SDK1: variants seen among roughly 807,000 people sequenced by gnomAD.
SDK1 encodes the protein sidekick cell adhesion molecule 1.
In SDK1, 157 loss-of-function variants were observed where a neutral mutation model predicts 245.5. The observed-to-expected ratio is 0.64, with a 90% confidence interval of 0.56 to 0.73. The LOEUF is 0.73. SDK1 is among the 30% of genes least tolerant of loss of function. The pLI is 0.00. For synonymous variants in SDK1, 1,647 were observed against 1,278.5 expected (o/e 1.29, Z -6.15); for missense variants, 3,583 against 3,002.3 (o/e 1.19, Z -4.52).
At chr7:3,903,837 C>G (rs1781874498) in intron 5 of SDK1, among the ~76,000 whole-genome samples, 1 of 152,130 alleles carries the variant, frequency 6.6e-6, no homozygotes, top group African/African-American at 2.4e-5. Context: ...GATTAGTACT[C>G]TCCCTTGGGA....
intron 7 of SDK1, among the ~76,000 whole-genome samples, chr7:3,954,727 C>A (rs1162886822): frequency 6.7e-6 from 1 of 149,326 alleles, no homozygotes; most frequent in Admixed American, 6.7e-5. Context: ...CCTCAGTTTC[C>A]ACATCCATAA....
At chr7:3,979,067 A>G (rs1783194067) in intron 13 of SDK1, among the ~76,000 whole-genome samples, 1 of 152,218 alleles carries the variant, frequency 6.6e-6, no homozygotes, top group Non-Finnish European at 1.5e-5. Flanking sequence ...GGGCTGCTGG[A>G]CAGCAGTGGG....
At position 4,049,270 on chromosome 7, in the gene SDK1, G is replaced by C. The variant is rs1789259212; in HGVS notation, c.2603-78G>C. On this transcript the variant is annotated intron_variant, in intron 17 of 44. Coordinates refer to ENST00000404826, the MANE Select transcript of SDK1 (RefSeq NM_152744.4). ...TGCCTGTGAGCATGATGGCAGCTAAGGGTTTCCTTTCTGTCTCTCCACCCC... is the reference window on the plus strand; with the variant it reads ...TGCCTGTGAGCATGATGGCAGCTAACGGTTTCCTTTCTGTCTCTCCACCCC... 2.9e-6 allele frequency: 3 copies of C among 1,046,792 alleles called. No individual in the cohort carries two copies. The East Asian group carries it at 7.4e-5, about 26-fold the overall frequency. 64.8% of individuals were successfully genotyped at this position (1,046,792 alleles called of 1,614,324 possible).
At chr7:4,111,192 G>A (rs113778274) in intron 23 of SDK1, among the ~76,000 whole-genome samples, 3 of 152,202 alleles carry the variant, frequency 2.0e-5, no homozygotes, top group African/African-American at 7.2e-5. Flanking sequence ...GGGCCCAGGA[G>A]CTGCTAGTCT....
Position 4,266,790 on chromosome 7 carries a change from G to A in SDK1, c.*1406G>A. The stretch of plus-strand genomic sequence containing the variant: ...GCACTGCTGGTGCCCACTGGCGTGT[G>A]TGCCCCGGGTCCCTGTAAGTGCCCC... On this transcript the variant is annotated 3_prime_UTR_variant, in exon 45 of 45. Coordinates refer to ENST00000404826, the MANE Select transcript of SDK1 (RefSeq NM_152744.4). 6 of 985,482 alleles carry A rather than the reference G, an allele frequency of 6.1e-6. No individual in the cohort carries two copies. Among genetic ancestry groups the A allele is most frequent in the Non-Finnish European group, 7.2e-6 (6 of 829,986 alleles). 61.0% of individuals were successfully genotyped at this position (985,482 alleles called of 1,614,324 possible).
rs34165148 is a variant in SDK1, at chr7:3,590,778, C to CTTT, written c.299-28282_299-28280dup. Among the ~76,000 whole-genome samples the CTTT allele has an allele frequency of 3.7e-3, 429 of 115,174 alleles. 8 individuals are homozygous for CTTT. The East Asian group carries it at 0.05, about 13-fold the overall frequency. 75.6% of individuals were successfully genotyped at this position (115,174 alleles called of 152,430 possible). ...TCTGCAGTGAGGGCTGAGTATAGCA[C>CTTT]TTTTTTTTTTTTTTTTTTTTTTAAG... On this transcript the variant is annotated intron_variant, in intron 1 of 44. Transcript: ENST00000404826.
chr7:3,960,105 G>A lies in SDK1; in HGVS notation c.1234+1091G>A, dbSNP rs1413540867. On this transcript the variant is annotated intron_variant, in intron 8 of 44. Transcript: ENST00000404826. ...GCTCGGAGGGTAAGAATGACTACCAGTTTTGCAAATCTTCAAAACAGCTCC... is the reference window on the plus strand; with the variant it reads ...GCTCGGAGGGTAAGAATGACTACCAATTTTGCAAATCTTCAAAACAGCTCC... Among the ~76,000 whole-genome samples, 3 of 152,210 alleles carry A rather than the reference G, an allele frequency of 2.0e-5. No individual in the cohort carries two copies. The East Asian group carries it at 5.8e-4, about 29-fold the overall frequency.
intron 5 of SDK1, among the ~76,000 whole-genome samples, chr7:3,913,589 G>GA (rs1562532487): frequency 6.6e-6 from 1 of 151,906 alleles, no homozygotes; most frequent in Non-Finnish European, 1.5e-5. Context: ...CACCGTGCCC[G>GA]GCCCTGTTAC....
At chr7:3,422,708 C>T (rs941246083) in intron 1 of SDK1, among the ~76,000 whole-genome samples, 1 of 152,102 alleles carries the variant, frequency 6.6e-6, no homozygotes, top group African/African-American at 2.4e-5. Flanking sequence ...GAAAACCCTA[C>T]TCTGGCAACA....
intron 5 of SDK1, among the ~76,000 whole-genome samples, chr7:3,941,654 C>T (rs532695270): frequency 6.6e-6 from 1 of 152,346 alleles, no homozygotes; most frequent in East Asian, 1.9e-4. Context: ...CCACACTCCA[C>T]GGCCTGCCAT....
chr7:4,252,842 T>G (rs1787399096), intron 44 of SDK1, among the ~76,000 whole-genome samples: 1 of 151,224 alleles, frequency 6.6e-6, no homozygotes, highest in Non-Finnish European at 1.5e-5. Context: ...CCTCTTTTTT[T>G]TTTTGTTAAG....
At chr7:3,670,119 A>G (rs1474394231) in intron 4 of SDK1, among the ~76,000 whole-genome samples, 1 of 152,018 alleles carries the variant, frequency 6.6e-6, no homozygotes, top group East Asian at 1.9e-4. Flanking sequence ...ATTGGTCTCT[A>G]CCTTGTTTCC....
intron 1 of SDK1, among the ~76,000 whole-genome samples, chr7:3,322,731 C>G (rs947995080): frequency 6.6e-6 from 1 of 152,168 alleles, no homozygotes; most frequent in African/African-American, 2.4e-5. Flanking sequence ...GTTTCACATG[C>G]CACTTTCAGA....
In SDK1 at chr7:3,532,458, T is replaced by C. The variant is rs186906247; in HGVS notation, c.299-86622T>C. Among the ~76,000 whole-genome samples, 96 of 152,310 alleles carry C rather than the reference T, an allele frequency of 6.3e-4. 1 individual carries two copies. The highest frequency in any genetic ancestry group is 2.2e-3 in the African/African-American group (91 of 41,578). The stretch of plus-strand genomic sequence containing the variant: ...GACTCCTGGTACGTTAGGTCTCACC[T>C]GGTAGCTTTGCCTCCTCTTCATGGT... On this transcript the variant is annotated intron_variant, in intron 1 of 44. Transcript: ENST00000404826.
intron 1 of SDK1, among the ~76,000 whole-genome samples, chr7:3,468,583 A>G (rs1177153447): frequency 6.6e-6 from 1 of 152,106 alleles, no homozygotes; most frequent in African/African-American, 2.4e-5. Flanking sequence ...ACGGTGTTTG[A>G]CTGTAGGTCA....
chr7:3,371,843 A>G (rs1781235514), intron 1 of SDK1, among the ~76,000 whole-genome samples: 1 of 152,236 alleles, frequency 6.6e-6, no homozygotes, highest in Non-Finnish European at 1.5e-5. Context: ...AAATAGCATA[A>G]GAAACCCTGA....
chr7:4,133,115 T>C (rs1316153333), intron 28 of SDK1, among the ~76,000 whole-genome samples: 1 of 152,200 alleles, frequency 6.6e-6, no homozygotes, highest in Non-Finnish European at 1.5e-5. Context: ...GAAACATCTT[T>C]CTGCTGCAGC....
At chr7:3,918,357 G>GC (rs1216445005) in intron 5 of SDK1, among the ~76,000 whole-genome samples, 1 of 152,116 alleles carries the variant, frequency 6.6e-6, no homozygotes, top group African/African-American at 2.4e-5. Flanking sequence ...CCAGAGCTCC[G>GC]CCCCCTGTCA....
intron 1 of SDK1, among the ~76,000 whole-genome samples, chr7:3,452,107 C>T (rs1352577114): frequency 1.3e-5 from 2 of 152,184 alleles, no homozygotes; most frequent in Admixed American, 6.5e-5. Context: ...AAGGGTAAGC[C>T]GACTCACATG....
Sources: gnomAD v4.1 joint callset for allele counts (sites outside exome capture counted in the v4.1 genomes callset) on GRCh38, gnomAD v4.1.1 for gene constraint, MANE v1.5 for transcripts, NCBI Gene and HGNC (gene_info 2026-07-23, HGNC 2026-07-21) for gene names.